RABGAP1L: variants seen among roughly 807,000 people sequenced by gnomAD.
The protein encoded by RABGAP1L is rab GTPase-activating protein 1-like.
RABGAP1L carries 63 observed loss-of-function variants against 137.7 expected under a neutral mutation model. The observed-to-expected ratio is 0.46, with a 90% CI of 0.37 to 0.56. The LOEUF (loss-of-function observed/expected upper bound fraction) is 0.56, where lower values mean the gene tolerates loss of function less well. RABGAP1L is among the 20% of genes least tolerant of loss of function. The pLI is 0.00. For missense variants in RABGAP1L, 1,095 were observed against 1,244.0 expected (o/e 0.88, Z 1.80); for synonymous variants, 431 against 433.7 (o/e 0.99, Z 0.08).
chr1:174,365,629 A>ATG (rs909115984), intron 11 of RABGAP1L, among the ~76,000 whole-genome samples: 11 of 152,154 alleles, frequency 7.2e-5, no homozygotes, highest in African/African-American at 2.7e-4. Flanking sequence ...AGTGAATTCA[A>ATG]TGTGAAGTCC....
chr1:174,246,810 T>A (rs981780854), intron 5 of RABGAP1L, among the ~76,000 whole-genome samples: 1 of 152,366 alleles, frequency 6.6e-6, no homozygotes, highest in Admixed American at 6.5e-5. Context: ...TCCAGTTTGT[T>A]ATAAGATACT....
At chr1:174,360,323 A>G (rs1205153053) in intron 11 of RABGAP1L, among the ~76,000 whole-genome samples, 1 of 152,222 alleles carries the variant, frequency 6.6e-6, no homozygotes, top group Non-Finnish European at 1.5e-5. Context: ...ACTCAGAAAT[A>G]AAAGAAGTAT....
intron 13 of RABGAP1L, among the ~76,000 whole-genome samples, chr1:174,496,601 C>G (rs894124753): frequency 4.6e-5 from 7 of 152,300 alleles, no homozygotes; most frequent in Non-Finnish European, 8.8e-5. Context: ...GTGAACACAA[C>G]AAGCACAGGA....
At chr1:174,628,689 A>G (rs1572590095) in intron 13 of RABGAP1L, among the ~76,000 whole-genome samples, 1 of 152,196 alleles carries the variant, frequency 6.6e-6, no homozygotes, top group African/African-American at 2.4e-5. Context: ...GGCCATTATA[A>G]TATCGTATTG....
chr1:174,600,893 G>A (rs887338091), intron 13 of RABGAP1L, among the ~76,000 whole-genome samples: 1 of 152,344 alleles, frequency 6.6e-6, no homozygotes, highest in Admixed American at 6.5e-5. Flanking sequence ...GGCACTGCCT[G>A]TGTTGGGACT....
At chr1:174,361,419 A>G (rs1222905825) in intron 11 of RABGAP1L, among the ~76,000 whole-genome samples, 1 of 151,998 alleles carries the variant, frequency 6.6e-6, no homozygotes, top group Non-Finnish European at 1.5e-5. Context: ...CATGAACATG[A>G]AATATATTTG....
intron 1 of RABGAP1L, among the ~76,000 whole-genome samples, chr1:174,211,509 C>G (rs1668879282): frequency 1.3e-5 from 2 of 151,984 alleles, no homozygotes; most frequent in Admixed American, 1.3e-4. Flanking sequence ...AATTGAGAAG[C>G]AAGAAATTAA....
intron 18 of RABGAP1L, among the ~76,000 whole-genome samples, chr1:174,783,571 A>T (rs564726638): frequency 9.9e-5 from 15 of 152,212 alleles, no homozygotes; most frequent in Admixed American, 3.3e-4. Flanking sequence ...TACCTAAGAG[A>T]TATTCAAATA....
intron 18 of RABGAP1L, among the ~76,000 whole-genome samples, chr1:174,809,439 G>A (rs751532680): frequency 6.6e-6 from 1 of 152,172 alleles, no homozygotes; most frequent in Non-Finnish European, 1.5e-5. Flanking sequence ...CGGTGTGTGA[G>A]AATGTAGGAT....
At chr1:174,865,612 GACATT>G (rs1442085262) in intron 19 of RABGAP1L, among the ~76,000 whole-genome samples, 5 of 151,960 alleles carry the variant, frequency 3.3e-5, no homozygotes, top group African/African-American at 1.2e-4. Context: ...TCTTCAGTAA[GACATT>G]ACCCTATCAT....
chr1:174,403,412 T>C (rs532230638), intron 13 of RABGAP1L, among the ~76,000 whole-genome samples: 55 of 152,166 alleles, frequency 3.6e-4, no homozygotes, highest in African/African-American at 1.3e-3. Context: ...TTGATAGACC[T>C]GGATTTAAGA....
chr1:174,550,854 CT>C (rs1666377603), intron 13 of RABGAP1L, among the ~76,000 whole-genome samples: 1 of 47,390 alleles, frequency 2.1e-5, no homozygotes, highest in Non-Finnish European at 3.9e-5. Context: ...CCCGTCTCTG[CT>C]AAATATATAT....
At chr1:174,300,317 G>C (rs1677553977) in intron 10 of RABGAP1L, among the ~76,000 whole-genome samples, 1 of 151,596 alleles carries the variant, frequency 6.6e-6, no homozygotes, top group Non-Finnish European at 1.5e-5. Flanking sequence ...CCTGAGGTCG[G>C]GAGTTTGAGA....
chr1:174,321,611 T>C (rs1188651456), intron 11 of RABGAP1L, among the ~76,000 whole-genome samples: 1 of 152,148 alleles, frequency 6.6e-6, no homozygotes, highest in Non-Finnish European at 1.5e-5. Flanking sequence ...GAATAATGAA[T>C]TTGATTACAA....
chr1:174,688,597 C>G (rs546605363), intron 15 of RABGAP1L, among the ~76,000 whole-genome samples: 1 of 152,040 alleles, frequency 6.6e-6, no homozygotes, highest in Admixed American at 6.6e-5. Context: ...CATCAAAATA[C>G]ATGTATTACT....
At position 174,887,108 on chromosome 1, in the gene RABGAP1L, C is replaced by T. The variant is rs541359239; in HGVS notation, c.2341-70349C>T. 9.2e-5 allele frequency among the ~76,000 whole-genome samples: 14 copies of T among 152,212 alleles called. No homozygotes were observed. The South Asian group carries it at 1.0e-3, about 11-fold the overall frequency. ...GCGCGAGCCACCACGCCTGGCCTCA[C>T]GCTTTGGCTTTTGTCCATGTTCCAT... is the stretch of plus-strand genomic sequence containing the variant. On this transcript the variant is annotated intron_variant, in intron 19 of 25. Coordinates refer to ENST00000681986, the MANE Select transcript of RABGAP1L (RefSeq NM_001366446.1).
At chr1:174,726,365 C>T (rs1681982282) in intron 17 of RABGAP1L, among the ~76,000 whole-genome samples, 1 of 152,086 alleles carries the variant, frequency 6.6e-6, no homozygotes, top group African/African-American at 2.4e-5. Context: ...CCACAGCCTC[C>T]CAAGTGACTC....
chr1:174,525,996 T>G (rs1339377913), intron 13 of RABGAP1L, among the ~76,000 whole-genome samples: 1 of 152,156 alleles, frequency 6.6e-6, no homozygotes, highest in Non-Finnish European at 1.5e-5. Context: ...TTGATCATGA[T>G]GTATTATTTG....
chr1:174,886,548 T>G (rs1655171743), intron 19 of RABGAP1L, among the ~76,000 whole-genome samples: 1 of 152,194 alleles, frequency 6.6e-6, no homozygotes, highest in Non-Finnish European at 1.5e-5. Flanking sequence ...AAAAAGTTGG[T>G]TCAGGAGAAG....
Sources: gnomAD v4.1 joint callset for allele counts (sites outside exome capture counted in the v4.1 genomes callset) on GRCh38, gnomAD v4.1.1 for gene constraint, MANE v1.5 for transcripts, NCBI Gene and HGNC (gene_info 2026-07-23, HGNC 2026-07-21) for gene names.